The following SRGAP1 variants were observed in gnomAD, a reference collection of about 807,000 sequenced individuals.
SRGAP1 encodes the protein SLIT-ROBO Rho GTPase activating protein 1.
Under a neutral mutation model 121.9 loss-of-function variants are expected in SRGAP1, and 43 were observed. The ratio of observed to expected loss-of-function variants is 0.35; its 90% CI spans 0.28 to 0.46. SRGAP1 has a LOEUF of 0.46. SRGAP1 is among the 20% of genes least tolerant of loss of function. SRGAP1 has a pLI of 1.00. For synonymous variants in SRGAP1, 447 were observed against 485.4 expected, an observed-to-expected ratio of 0.92 and a Z score of 1.04; for missense variants, 1,102 against 1,350.9, an observed-to-expected ratio of 0.82 and a Z score of 2.89.
chr12:64,098,859 A>G (rs769617577), intron 15 of SRGAP1, among the ~76,000 whole-genome samples: 12 of 152,134 alleles, frequency 7.9e-5, no homozygotes, highest in Non-Finnish European at 1.3e-4. Context: ...CCACTTGCCT[A>G]TGCTGTTTCC....
intron 6 of SRGAP1, among the ~76,000 whole-genome samples, chr12:64,054,051 G>C (rs1460572338): frequency 6.6e-6 from 1 of 152,052 alleles, no homozygotes; most frequent in Non-Finnish European, 1.5e-5. Flanking sequence ...TGTATTCAGA[G>C]AAACTCAGTC....
chr12:64,011,139 TG>T (rs2034240796), intron 3 of SRGAP1, among the ~76,000 whole-genome samples: 1 of 151,924 alleles, frequency 6.6e-6, no homozygotes. Flanking sequence ...GGATGGGGTG[TG>T]GGATTTGTGG....
rs554258876 is a variant in SRGAP1, at chr12:63,873,296, C to T, written c.67+28413C>T. Among the ~76,000 whole-genome samples the T allele has an allele frequency of 6.6e-5, 10 of 151,828 alleles. No homozygotes were observed. In the South Asian group the frequency reaches 2.1e-3, roughly 32 times the overall value. On this transcript the variant is annotated intron_variant, in intron 1 of 21. Transcript: ENST00000355086. ...CTGTAATCCCAGCACTTTGGGAGGC[C>T]GAGGCGGGTGGATCAACTGAGGTCA...
chr12:63,996,115 A>G (rs1398168913), intron 3 of SRGAP1, among the ~76,000 whole-genome samples: 1 of 151,960 alleles, frequency 6.6e-6, no homozygotes, highest in Admixed American at 6.6e-5. Flanking sequence ...GAATATAAAA[A>G]TAGATATAGA....
intron 1 of SRGAP1, among the ~76,000 whole-genome samples, chr12:63,961,372 G>A (rs776414252): frequency 3.9e-5 from 6 of 152,146 alleles, no homozygotes; most frequent in Non-Finnish European, 5.9e-5. Context: ...TGGAAGCCTC[G>A]CCCCCTTCTT....
rs10570691 is a variant in SRGAP1 at position 63,919,499 on chromosome 12, CATAT to C, written c.68-64428_68-64425del. Reference sequence around the variant, plus strand: ...TTTTAATTGTTTTAACTTAACATTACATATATATATATATATATATATACACATA... The same window carrying C: ...TTTTAATTGTTTTAACTTAACATTACATATATATATATATATATACACATA... On this transcript the variant is annotated intron_variant, in intron 1 of 21. Coordinates refer to ENST00000355086, the MANE Select transcript of SRGAP1 (RefSeq NM_020762.4). Among the ~76,000 whole-genome samples, 67 of 134,036 alleles carry C rather than the reference CATAT, an allele frequency of 5.0e-4. 1 individual carries two copies. The highest frequency in any genetic ancestry group is 6.7e-4 in the African/African-American group (22 of 32,602). The allele number at this position is 134,036 out of a possible 152,430, so 87.9% of individuals were successfully genotyped here. A position where few individuals can be genotyped will look rare whatever the true frequency, so the allele number is the denominator to read the frequency against.
chr12:64,103,536 C>A (rs1260728903), intron 15 of SRGAP1, among the ~76,000 whole-genome samples: 1 of 152,110 alleles, frequency 6.6e-6, no homozygotes, highest in Non-Finnish European at 1.5e-5. Flanking sequence ...CTTTTGAACT[C>A]TTTTTCTGGT....
intron 1 of SRGAP1, among the ~76,000 whole-genome samples, chr12:63,943,797 T>C (rs561023446): frequency 3.0e-3 from 456 of 152,206 alleles, no homozygotes; most frequent in African/African-American, 0.01. Context: ...CCAACCAACA[T>C]TTAGGTGATT....
At chr12:63,948,935 A>G (rs59919824) in intron 1 of SRGAP1, among the ~76,000 whole-genome samples, 2,175 of 81,046 alleles carry the variant, frequency 0.027, 235 homozygotes, top group Non-Finnish European at 0.033. Flanking sequence ...TTCCATATAT[A>G]TATTTTCCAT....
At position 64,161,793 on chromosome 12, in the gene SRGAP1, A is replaced by G. The variant is rs1415699557; in HGVS notation, c.*19121A>G. On this transcript the variant is annotated 3_prime_UTR_variant, in exon 22 of 22. Coordinates refer to ENST00000355086, the MANE Select transcript of SRGAP1 (RefSeq NM_020762.4). Reference sequence around the variant, plus strand: ...ATAGCAGTATTATCCATAATAGCCAAATGATAGAAGCAATGCAAATGTCCA... The same window carrying G: ...ATAGCAGTATTATCCATAATAGCCAGATGATAGAAGCAATGCAAATGTCCA... The G allele has an allele frequency of 6.6e-6, 1 of 152,244 alleles. No individual in the cohort carries two copies. Among genetic ancestry groups the G allele is most frequent in the Non-Finnish European group, 1.5e-5 (1 of 68,044 alleles). 9.4% of individuals were successfully genotyped at this position (152,244 alleles called of 1,614,324 possible). A position where few individuals can be genotyped will look rare whatever the true frequency, so the allele number is the denominator to read the frequency against.
chr12:64,005,579 A>T (rs1466166117), intron 3 of SRGAP1, among the ~76,000 whole-genome samples: 2 of 152,094 alleles, frequency 1.3e-5, no homozygotes, highest in African/African-American at 4.8e-5. Flanking sequence ...CCAAGAATTC[A>T]AGGCTGCAGT....
chr12:64,008,072 C>A (rs1448778556), intron 3 of SRGAP1, among the ~76,000 whole-genome samples: 8 of 152,142 alleles, frequency 5.3e-5, no homozygotes, highest in African/African-American at 1.9e-4. Flanking sequence ...GTGCCAGACA[C>A]TCTGTTAAGC....
At chr12:63,882,575 C>T (rs976718138) in intron 1 of SRGAP1, among the ~76,000 whole-genome samples, 19 of 152,252 alleles carry the variant, frequency 1.2e-4, no homozygotes, top group Admixed American at 4.6e-4. Context: ...TGAACTACCA[C>T]GCCCGGCCCT....
At chr12:63,979,708 A>C (rs1337551936) in intron 1 of SRGAP1, among the ~76,000 whole-genome samples, 2 of 152,216 alleles carry the variant, frequency 1.3e-5, no homozygotes, top group Non-Finnish European at 2.9e-5. Flanking sequence ...TGCCTAACAC[A>C]AAATGGAAAC....
At chr12:64,119,544 C>T (rs950243930) in intron 18 of SRGAP1, among the ~76,000 whole-genome samples, 10 of 152,020 alleles carry the variant, frequency 6.6e-5, no homozygotes, top group Non-Finnish European at 1.2e-4. Flanking sequence ...CCCAAATAAA[C>T]TTTTTATTCT....
intron 8 of SRGAP1, among the ~76,000 whole-genome samples, chr12:64,070,876 G>A (rs1004971315): frequency 2.0e-5 from 3 of 152,080 alleles, no homozygotes; most frequent in Non-Finnish European, 4.4e-5. Context: ...AGAATCCCAG[G>A]TCATGTAAGT....
intron 3 of SRGAP1, among the ~76,000 whole-genome samples, chr12:63,993,543 A>G (rs2033613889): frequency 6.6e-6 from 1 of 152,192 alleles, no homozygotes; most frequent in African/African-American, 2.4e-5. Context: ...CGCATGTTTC[A>G]ATAATGTCCC....
rs67622101 is a variant in SRGAP1 at position 63,900,204 on chromosome 12, C to CTTTTTTTTTT, written c.67+55331_67+55340dup. 4.6e-5 allele frequency among the ~76,000 whole-genome samples: 4 copies of CTTTTTTTTTT among 87,522 alleles called. 1 individual carries two copies. Among genetic ancestry groups the CTTTTTTTTTT allele is most frequent in the Non-Finnish European group, 7.0e-5 (3 of 42,914 alleles). 57.4% of individuals were successfully genotyped at this position (87,522 alleles called of 152,430 possible). ...CTTTTTTCTTTTTCTTTTTCTTTTT[C>CTTTTTTTTTT]TTTTTTTTTTTTTTTTTTTGAGGTG... On this transcript the variant is annotated intron_variant, in intron 1 of 21. Transcript: ENST00000355086.
chr12:64,144,309 T>G lies in SRGAP1; in HGVS notation c.*1637T>G, dbSNP rs954263745. 2.0e-5 allele frequency: 3 copies of G among 151,894 alleles called. No individual in the cohort carries two copies. The highest frequency in any genetic ancestry group is 2.9e-5 in the Non-Finnish European group (2 of 68,004). 9.4% of individuals were successfully genotyped at this position (151,894 alleles called of 1,614,324 possible). On this transcript the variant is annotated 3_prime_UTR_variant, in exon 22 of 22. Coordinates refer to ENST00000355086, the MANE Select transcript of SRGAP1 (RefSeq NM_020762.4). ...TCTGGCCCACCATTAATTTCCTTCT[T>G]GGTTTCATTTCAAACTGGCAGCCAA...
Sources: gnomAD v4.1 joint callset for allele counts (sites outside exome capture counted in the v4.1 genomes callset) on GRCh38, gnomAD v4.1.1 for gene constraint, MANE v1.5 for transcripts, NCBI Gene and HGNC (gene_info 2026-07-23, HGNC 2026-07-21) for gene names.